UTRN: variants seen among roughly 807,000 people sequenced by gnomAD.
UTRN encodes the protein utrophin.
UTRN carries 283 observed loss-of-function variants against 463.9 expected under a neutral mutation model. That is an observed-to-expected ratio of 0.61 (90% CI 0.55 to 0.67). The LOEUF is 0.67. UTRN is among the 30% of genes least tolerant of loss of function. The pLI, the probability that UTRN is intolerant of heterozygous loss-of-function variation, is 0.00. For missense variants in UTRN, 3,922 were observed against 4,084.3 expected (o/e 0.96, Z 1.08); for synonymous variants, 1,442 against 1,431.5 (o/e 1.01, Z -0.17).
rs1455730140 is a variant in UTRN, at chr6:144,561,256, T to TACACAC, written c.7289+3946_7289+3947insCACACA. On this transcript the variant is annotated intron_variant, in intron 50 of 74. Transcript: ENST00000367545. ...ATATATATATATATATATATATATA[T>TACACAC]ATATACATACACACACACACGTATA... Among the ~76,000 whole-genome samples the TACACAC allele has an allele frequency of 5.8e-3, 437 of 75,658 alleles. 11 individuals carry two copies. Among genetic ancestry groups the TACACAC allele is most frequent in the East Asian group, 0.025 (78 of 3,176 alleles). 49.6% of individuals were successfully genotyped at this position (75,658 alleles called of 152,430 possible). A position where few individuals can be genotyped will look rare whatever the true frequency, so the allele number is the denominator to read the frequency against.
At position 144,821,018 on chromosome 6, in the gene UTRN, C is replaced by T. The variant is rs770453517; in HGVS notation, c.9494C>T (p.Thr3165Ile). 27 of 1,611,618 alleles carry T rather than the reference C, an allele frequency of 1.7e-5. No homozygotes were observed. The highest frequency in any genetic ancestry group is 1.3e-4 in the East Asian group (6 of 44,794). ...QTVLEGDNLETPITLISMWPE... is the reference protein window; with the variant it reads ...QTVLEGDNLEIPITLISMWPE... The stretch of plus-strand genomic sequence containing the variant: ...GTTCTTGAAGGTGACAACTTAGAGA[C>T]GTAAGTTTGATTTTAATATTAAATC... The change falls in exon 66 of 75, where the codon ACT becomes ATT. Residue 3165 changes from threonine to isoleucine, a missense_variant and splice_region_variant. By Grantham distance (89) the Thr-to-Ile change is moderately conservative (BLOSUM62 -1). Coordinates refer to ENST00000367545, the MANE Select transcript of UTRN (RefSeq NM_007124.3).
At chr6:144,722,863 G>C (rs1248070223) in intron 53 of UTRN, among the ~76,000 whole-genome samples, 1 of 152,114 alleles carries the variant, frequency 6.6e-6, no homozygotes. Flanking sequence ...CCCCATCCAA[G>C]CTGCAGGATG....
At chr6:144,440,754 C>T (rs1027729153) in intron 13 of UTRN, among the ~76,000 whole-genome samples, 6 of 152,052 alleles carry the variant, frequency 3.9e-5, no homozygotes, top group Admixed American at 2.6e-4. Flanking sequence ...TGTATTAGTC[C>T]GTTTTCACAC....
intron 57 of UTRN, among the ~76,000 whole-genome samples, chr6:144,755,520 C>A (rs1791895034): frequency 6.6e-6 from 1 of 152,122 alleles, no homozygotes; most frequent in Admixed American, 6.6e-5. Context: ...AGGTTGATTT[C>A]TTTGTCTTAA....
intron 61 of UTRN, among the ~76,000 whole-genome samples, chr6:144,784,730 A>G (rs180935562): frequency 4.6e-5 from 7 of 152,326 alleles, no homozygotes; most frequent in Admixed American, 3.9e-4. Context: ...AGGGAGTTAA[A>G]TGTTGGCACA....
intron 56 of UTRN, 35 bp downstream of exon 56, chr6:144,751,987 C>T (rs118148126): frequency 9.0e-6 from 14 of 1,559,418 alleles, no homozygotes; most frequent in South Asian, 2.5e-5. Flanking sequence ...TGCAGGCTTA[C>T]ACCTTGGGTG....
In UTRN at chr6:144,551,136, GAC is replaced by G. The variant is rs5880596; in HGVS notation, c.6928+86_6928+87del. ...ATCATCCACTTTCCCTGCAAATGGT[GAC>G]ACACACACACACACACACACACACA... On this transcript the variant is annotated intron_variant, in intron 48 of 74. Coordinates refer to ENST00000367545, the MANE Select transcript of UTRN (RefSeq NM_007124.3). The G allele has an allele frequency of 0.15, 91,607 of 620,384 alleles. 2,472 individuals are homozygous for G. Among genetic ancestry groups the G allele is most frequent in the Middle Eastern group, 0.19 (380 of 1,986 alleles). The allele number at this position is 620,384 out of a possible 1,614,324, so 38.4% of individuals were successfully genotyped here. A position where few individuals can be genotyped will look rare whatever the true frequency, so the allele number is the denominator to read the frequency against.
At chr6:144,693,098 A>G (rs746498447) in intron 52 of UTRN, among the ~76,000 whole-genome samples, 16 of 151,902 alleles carry the variant, frequency 1.1e-4, no homozygotes, top group African/African-American at 3.4e-4. Context: ...TCCAGTTTCA[A>G]TGTTTTGCAT....
intron 51 of UTRN, among the ~76,000 whole-genome samples, chr6:144,643,794 C>CA (rs5880601): frequency 5.5e-4 from 79 of 143,382 alleles, no homozygotes; most frequent in East Asian, 1.2e-3. Context: ...AACACCATCT[C>CA]AAAAAAAAAA....
At chr6:144,742,265 A>G (rs1310151344) in intron 54 of UTRN, among the ~76,000 whole-genome samples, 3 of 152,166 alleles carry the variant, frequency 2.0e-5, no homozygotes, top group Non-Finnish European at 4.4e-5. Flanking sequence ...AGAAGCACTA[A>G]TCAGCCGTGG....
At chr6:144,333,698 T>G (rs907510803) in intron 2 of UTRN, among the ~76,000 whole-genome samples, 5 of 152,040 alleles carry the variant, frequency 3.3e-5, no homozygotes, top group Admixed American at 1.3e-4. Flanking sequence ...GTGGACGGTT[T>G]GCATCTCCTG....
At chr6:144,561,205 TTATATATATATATATATATATATATATA>T (rs1162903466) in intron 50 of UTRN, among the ~76,000 whole-genome samples, 26 of 60,204 alleles carry the variant, frequency 4.3e-4, no homozygotes, top group South Asian at 9.3e-4. Context: ...AAAAATAACA[TTATATATATATATATATATATATATATA>T]TATATATATA....
chr6:144,540,265 A>G (rs1797878196), intron 45 of UTRN, among the ~76,000 whole-genome samples: 1 of 151,754 alleles, frequency 6.6e-6, no homozygotes, highest in Non-Finnish European at 1.5e-5. Flanking sequence ...AAAGTCATAG[A>G]TATCTTTTTT....
chr6:144,583,389 C>T (rs933001212), intron 51 of UTRN: 1 of 559,914 alleles, frequency 1.8e-6, no homozygotes. Flanking sequence ...TGGAAACGAG[C>T]ATGCTCAGAG....
chr6:144,292,279 T>C (rs749497934), intron 2 of UTRN, among the ~76,000 whole-genome samples: 1 of 152,256 alleles, frequency 6.6e-6, no homozygotes, highest in Non-Finnish European at 1.5e-5. Context: ...GAAAGATCTT[T>C]CACAGTTTGA....
At chr6:144,417,612 G>T (rs913899905) in intron 3 of UTRN, among the ~76,000 whole-genome samples, 1 of 152,102 alleles carries the variant, frequency 6.6e-6, no homozygotes, top group Non-Finnish European at 1.5e-5. Context: ...AGCTGAGAAT[G>T]GTTTTTACAG....
chr6:144,669,991 A>G (rs1325253336), intron 51 of UTRN, among the ~76,000 whole-genome samples: 2 of 139,656 alleles, frequency 1.4e-5, no homozygotes, highest in Non-Finnish European at 3.2e-5. Context: ...GTGTGTGTGT[A>G]TACATATATG....
chr6:144,632,546 A>T (rs564768593), intron 51 of UTRN, among the ~76,000 whole-genome samples: 1 of 152,108 alleles, frequency 6.6e-6, no homozygotes, highest in Non-Finnish European at 1.5e-5. Flanking sequence ...GACAGCAGAG[A>T]TGTACAATTT....
chr6:144,724,090 G>T (rs1183815776), intron 53 of UTRN, among the ~76,000 whole-genome samples: 2 of 148,776 alleles, frequency 1.3e-5, no homozygotes, highest in Non-Finnish European at 3.0e-5. Context: ...CAGAATTATT[G>T]TTTTATTTTA....
Sources: allele counts gnomAD v4.1 joint callset (sites outside exome capture counted in the v4.1 genomes callset), GRCh38; gene constraint gnomAD v4.1.1; transcripts MANE v1.5; gene names NCBI Gene and HGNC (gene_info 2026-07-23, HGNC 2026-07-21).